The following ARID3A variants were observed in gnomAD, a reference collection of about 807,000 sequenced individuals.
The protein encoded by ARID3A is AT-rich interactive domain-containing protein 3A.
ARID3A carries 11 observed loss-of-function variants against 52.7 expected under a neutral mutation model. That is an observed-to-expected ratio of 0.21 (90% confidence interval 0.13 to 0.35). The LOEUF (loss-of-function observed/expected upper bound fraction) is 0.35. Ranked by LOEUF, ARID3A falls within the 10% of genes least tolerant of loss-of-function variation. The pLI, the probability that ARID3A is intolerant of heterozygous loss-of-function variation, is 1.00. For missense variants in ARID3A, 721 were observed against 838.5 expected, an observed-to-expected ratio of 0.86 and a Z score of 1.73; for synonymous variants, 404 against 359.4, an observed-to-expected ratio of 1.12 and a Z score of -1.40.
chr19:970,035 C>T (rs943642110), intron 8 of ARID3A, among the ~76,000 whole-genome samples: 7 of 151,976 alleles, frequency 4.6e-5, no homozygotes, highest in Admixed American at 3.3e-4. Context: ...TAAAAAGTTG[C>T]CGGGCACAGT....
chr19:959,569 G>A lies in ARID3A; in HGVS notation c.694-523G>A, dbSNP rs985875543. On this transcript the variant is annotated intron_variant, in intron 3 of 8. Transcript: ENST00000263620. The surrounding 1 kb of genome is among the most constrained non-coding windows in gnomAD (Gnocchi z 5.0). ...TACAGGTGTGAGCCGCCACCCTGAAGAGAAGTTGGTTTTGGACTTCTGGGC... is the reference window on the plus strand; with the variant it reads ...TACAGGTGTGAGCCGCCACCCTGAAAAGAAGTTGGTTTTGGACTTCTGGGC... Among the ~76,000 whole-genome samples, 4 of 152,158 alleles carry A rather than the reference G, an allele frequency of 2.6e-5. No individual in the cohort carries two copies. Among genetic ancestry groups the A allele is most frequent in the Non-Finnish European group, 4.4e-5 (3 of 68,020 alleles).
chr19:938,727 A>G lies in ARID3A; in HGVS notation c.693+5985A>G, dbSNP rs2145375171. Among the ~76,000 whole-genome samples the G allele has an allele frequency of 6.6e-6, 1 of 152,274 alleles. No homozygotes were observed. Among genetic ancestry groups the G allele is most frequent in the South Asian group, 2.1e-4 (1 of 4,830 alleles). ...CAGGGACGGCCACCAGCAGCCTCTC[A>G]GGCTCAAGGCCAGACACACCTCGCT... On this transcript the variant is annotated intron_variant, in intron 3 of 8. Transcript: ENST00000263620. The surrounding 1 kb of genome is among the most constrained non-coding windows in gnomAD (Gnocchi z 4.0).
Position 960,045 on chromosome 19 carries a change from A to T in ARID3A, c.694-47A>T. On this transcript the variant is annotated intron_variant, in intron 3 of 8. Coordinates refer to ENST00000263620, the MANE Select transcript of ARID3A (RefSeq NM_005224.3). The surrounding 1 kb of genome is among the most constrained non-coding windows in gnomAD (Gnocchi z 4.3). ...AGTGCAGGAGGGACATGGTTCCCACACCTGAGCTCTGGCACCAACTAACCC... is the reference window on the plus strand; with the variant it reads ...AGTGCAGGAGGGACATGGTTCCCACTCCTGAGCTCTGGCACCAACTAACCC... 1.3e-6 allele frequency: 2 copies of T among 1,551,664 alleles called. No homozygotes were observed. Among genetic ancestry groups the T allele is most frequent in the Non-Finnish European group, 1.8e-6 (2 of 1,128,770 alleles).
At chr19:933,517 T>A (rs1339351486) in intron 3 of ARID3A, among the ~76,000 whole-genome samples, 2 of 152,128 alleles carry the variant, frequency 1.3e-5, no homozygotes, top group Non-Finnish European at 2.9e-5. Context: ...GGGAGCCACC[T>A]CCTCGCCCGG....
At chr19:940,208 C>T (rs2037518540) in intron 3 of ARID3A, among the ~76,000 whole-genome samples, 1 of 152,168 alleles carries the variant, frequency 6.6e-6, no homozygotes, top group South Asian at 2.1e-4. Context: ...GGGTGGCCAA[C>T]TTTTTGGCTT....
intron 8 of ARID3A, among the ~76,000 whole-genome samples, chr19:971,613 C>CA (rs914723488): frequency 9.4e-5 from 14 of 148,936 alleles, no homozygotes; most frequent in East Asian, 5.9e-4. Flanking sequence ...GACACCATCT[C>CA]AAAAAAAAAC....
chr19:929,435 G>GT lies in ARID3A; in HGVS notation c.-94_-93insT. 4.8e-6 allele frequency: 6 copies of GT among 1,238,620 alleles called. No homozygotes were observed. Among genetic ancestry groups the GT allele is most frequent in the Non-Finnish European group, 6.2e-6 (6 of 974,174 alleles). The allele number at this position is 1,238,620 out of a possible 1,614,324, so 76.7% of individuals were successfully genotyped here. A position where few individuals can be genotyped will look rare whatever the true frequency, so the allele number is the denominator to read the frequency against. ...CGGCCCCCACGCTGCAGTGCGGCCG[G>GT]GCCCCCTCCCCGCAGGGGCCGCCCC... On this transcript the variant is annotated 5_prime_UTR_variant, in exon 2 of 9. Transcript: ENST00000263620. This position sits in a 1 kb window ranked among gnomAD's most constrained non-coding sequence, Gnocchi z 6.2.
chr19:949,048 G>A lies in ARID3A; in HGVS notation c.694-11044G>A, dbSNP rs573702936. Reference sequence around the variant, plus strand: ...GAGTCTACAGCAGTGATGTGGCTGCGGGGGTGCACTCTGGCCGCCTCCTTC... The same window carrying A: ...GAGTCTACAGCAGTGATGTGGCTGCAGGGGTGCACTCTGGCCGCCTCCTTC... On this transcript the variant is annotated intron_variant, in intron 3 of 8. Transcript: ENST00000263620. Among the ~76,000 whole-genome samples the A allele has an allele frequency of 3.9e-5, 6 of 152,214 alleles. No individual in the cohort carries two copies. In the East Asian group the frequency reaches 9.7e-4, roughly 25 times the overall value.
chr19:940,956 C>T (rs374830980), intron 3 of ARID3A, among the ~76,000 whole-genome samples: 16 of 152,212 alleles, frequency 1.1e-4, no homozygotes, highest in South Asian at 6.2e-4. Context: ...CACTGTGCCC[C>T]GGCCCGTGCC....
intron 3 of ARID3A, among the ~76,000 whole-genome samples, chr19:939,328 A>C (rs1179539375): frequency 6.6e-6 from 1 of 152,096 alleles, no homozygotes; most frequent in Non-Finnish European, 1.5e-5. Context: ...CATGTTGCCC[A>C]GGGTGGTCTC....
At chr19:932,813 CG>C in intron 3 of ARID3A, 71 bp downstream of exon 3, 2 of 1,538,802 alleles carry the variant, frequency 1.3e-6, no homozygotes, top group Non-Finnish European at 1.7e-6. Context: ...TGAAGGCCCA[CG>C]TTGCACGGGG....
chr19:936,032 C>T (rs996649185), intron 3 of ARID3A, among the ~76,000 whole-genome samples: 20 of 149,576 alleles, frequency 1.3e-4, no homozygotes, highest in Non-Finnish European at 2.1e-4. Flanking sequence ...CCTTGTGATC[C>T]GCCTGCCTCG....
intron 6 of ARID3A, among the ~76,000 whole-genome samples, chr19:965,730 G>A (rs575494788): frequency 3.5e-4 from 53 of 151,936 alleles, no homozygotes; most frequent in Non-Finnish European, 6.2e-4. Context: ...AGTGGCTCAC[G>A]CCTGTAGTCC....
intron 2 of ARID3A, among the ~76,000 whole-genome samples, chr19:930,667 G>A (rs1001000096): frequency 3.3e-5 from 5 of 150,578 alleles, no homozygotes; most frequent in African/African-American, 9.8e-5. Context: ...CCGCCACCAC[G>A]CCTGGCTAAC....
chr19:948,951 C>T (rs548934717), intron 3 of ARID3A, among the ~76,000 whole-genome samples: 83 of 152,166 alleles, frequency 5.5e-4, no homozygotes, highest in African/African-American at 1.9e-3. Context: ...TCAGGTGATC[C>T]GCCCGCCTCG....
intron 8 of ARID3A, 74 bp downstream of exon 8, chr19:968,577 G>A (rs901840793): frequency 5.5e-5 from 78 of 1,428,308 alleles, no homozygotes; most frequent in South Asian, 1.0e-4. Context: ...CCTGAGTTGC[G>A]CCTGGTCCCA....
At chr19:952,373 C>T (rs2037817314) in intron 3 of ARID3A, among the ~76,000 whole-genome samples, 1 of 127,924 alleles carries the variant, frequency 7.8e-6, no homozygotes, top group African/African-American at 3.0e-5. Flanking sequence ...GCCTGAGAGG[C>T]TGAGGCTGCA....
chr19:933,064 C>G (rs1440686952), intron 3 of ARID3A, among the ~76,000 whole-genome samples: 1 of 152,112 alleles, frequency 6.6e-6, no homozygotes, highest in East Asian at 1.9e-4. Flanking sequence ...CCGGCCCGAG[C>G]TGGGCTTGGG....
chr19:928,427 G>T (rs991857896), intron 1 of ARID3A: 1 of 152,146 alleles, frequency 6.6e-6, no homozygotes, highest in Non-Finnish European at 1.5e-5. Flanking sequence ...GTGTGTTGCC[G>T]TCCGAGACAT....
Sources: gnomAD v4.1 joint callset for allele counts (sites outside exome capture counted in the v4.1 genomes callset) on GRCh38, gnomAD v4.1.1 for gene constraint, Gnocchi (gnomAD v3.1) non-coding constraint, MANE v1.5 for transcripts, NCBI Gene and HGNC (gene_info 2026-07-23, HGNC 2026-07-21) for gene names.